ZNF469: variants seen among roughly 807,000 people sequenced by gnomAD.
ZNF469 encodes the protein zinc finger protein 469.
In ZNF469, 1 loss-of-function variant was observed where a neutral mutation model predicts 1.0. The ratio of observed to expected loss-of-function variants is 1.00; its 90% CI spans 0.35 to 4.73. ZNF469 has a LOEUF of 4.73. ZNF469 is among the 30% of genes most tolerant of loss of function. The pLI is 0.16. For missense variants in ZNF469, 6,100 were observed against 5,356.3 expected, an observed-to-expected ratio of 1.14 and a Z score of -4.33; for synonymous variants, 2,703 against 2,363.4, an observed-to-expected ratio of 1.14 and a Z score of -4.17.
chr16:88,206,255 G>A, the ZNF469 span, among the ~76,000 whole-genome samples: 9 of 152,190 alleles, frequency 5.9e-5, no homozygotes, highest in Non-Finnish European at 1.3e-4. Flanking sequence ...CCGTGGTCCC[G>A]GCCCCTCTCC....
At chr16:88,237,136 C>T in the ZNF469 span, among the ~76,000 whole-genome samples, 2 of 142,706 alleles carry the variant, frequency 1.4e-5, no homozygotes, top group African/African-American at 5.2e-5. Flanking sequence ...CCTAAATCCT[C>T]CATGCTCCTG....
the ZNF469 span, among the ~76,000 whole-genome samples, chr16:88,203,224 G>A: frequency 2.6e-5 from 4 of 152,134 alleles, no homozygotes; most frequent in Non-Finnish European, 5.9e-5. Context: ...AGGGAGGGAG[G>A]AGCCCCCAAC....
Position 88,437,384 on chromosome 16 carries a change from C to T in ZNF469, c.9914C>T (p.Pro3305Leu). 1 of 1,536,542 alleles carries T rather than the reference C, an allele frequency of 6.5e-7. No individual in the cohort carries two copies. Among genetic ancestry groups the T allele is most frequent in the Non-Finnish European group, 8.8e-7 (1 of 1,140,790 alleles). ...GCTGACGCCGGCAGCCCGGGCCCCC[C>T]CAGGACGACCCCCAGCCCGTCCCCC... ...ALADAGSPGP[P>L]RTTPSPSPDP... Residue 3305 changes from proline to leucine, a missense_variant, in exon 3 of 3, where the codon CCC (proline) becomes CTC (leucine). Physicochemically the swap from Pro to Leu is moderately conservative, Grantham distance 98 (BLOSUM62 -3). Transcript: ENST00000565624.
At chr16:88,385,619 C>T (rs911560311) in intron 1 of ZNF469, among the ~76,000 whole-genome samples, 1 of 145,740 alleles carries the variant, frequency 6.9e-6, no homozygotes, top group Non-Finnish European at 1.5e-5. Context: ...TTCCAGCCTG[C>T]GTGATAGAGT....
the ZNF469 span, among the ~76,000 whole-genome samples, chr16:88,290,841 C>G: frequency 3.9e-5 from 6 of 152,188 alleles, no homozygotes; most frequent in African/African-American, 1.4e-4. Context: ...TTGCAAATGA[C>G]CTAGTGGACA....
the ZNF469 span, among the ~76,000 whole-genome samples, chr16:88,115,442 A>T: frequency 6.6e-6 from 1 of 151,868 alleles, no homozygotes; most frequent in Non-Finnish European, 1.5e-5. Context: ...CCTCCAGCTC[A>T]TGTCAGCCTT....
At position 88,431,500 on chromosome 16, in the gene ZNF469, G is replaced by A; in HGVS notation, c.4030G>A (p.Val1344Ile). 1 of 1,550,430 alleles carries A rather than the reference G, an allele frequency of 6.4e-7. No homozygotes were observed. The highest frequency in any genetic ancestry group is 1.4e-5 in the African/African-American group (1 of 73,196). The change falls in exon 3 of 3, where the codon GTT (valine) becomes ATT (isoleucine). Residue 1344 changes from valine (V) to isoleucine (I), a missense_variant. Transcript: ENST00000565624. Reference protein sequence around the residue: ...PSSTACPKPSVLSSKISSFGC... With the variant: ...PSSTACPKPSILSSKISSFGC... ...AAGTACCGCCTGCCCCAAACCCAGTGTTCTGTCTTCAAAGATCTCCAGTTT... is the reference window on the plus strand; with the variant it reads ...AAGTACCGCCTGCCCCAAACCCAGTATTCTGTCTTCAAAGATCTCCAGTTT...
the ZNF469 span, among the ~76,000 whole-genome samples, chr16:88,351,350 C>A: frequency 5.9e-5 from 9 of 152,180 alleles, no homozygotes; most frequent in African/African-American, 2.2e-4. Flanking sequence ...TTCTGCCCCA[C>A]AGGCCTCTGT....
Position 88,437,024 on chromosome 16 carries a change from C to T in ZNF469, c.9554C>T (p.Ala3185Val). Residue 3185 changes from alanine to valine, a missense_variant, in exon 3 of 3, where the codon GCC becomes GTC. By Grantham distance (64) the Ala-to-Val change is moderately conservative. Coordinates refer to ENST00000565624, the MANE Select transcript of ZNF469 (RefSeq NM_001367624.2). The part of the protein sequence containing the change: ...WACGMCLKEV[A>V]DVWMYNEHLR... Reference sequence around the variant, plus strand: ...TGCGGCATGTGCCTGAAGGAGGTGGCCGACGTCTGGATGTACAACGAGCAC... The same window carrying T: ...TGCGGCATGTGCCTGAAGGAGGTGGTCGACGTCTGGATGTACAACGAGCAC... The T allele has an allele frequency of 6.5e-7, 1 of 1,528,230 alleles. No individual in the cohort carries two copies. The highest frequency in any genetic ancestry group is 8.8e-7 in the Non-Finnish European group (1 of 1,139,820). 94.7% of individuals were successfully genotyped at this position (1,528,230 alleles called of 1,614,324 possible).
the ZNF469 span, among the ~76,000 whole-genome samples, chr16:88,290,258 A>T: frequency 1.3e-5 from 2 of 152,374 alleles, no homozygotes; most frequent in South Asian, 4.1e-4. Flanking sequence ...TTCAGATGAA[A>T]GGCAAAATTT....
At chr16:88,300,757 C>A in the ZNF469 span, among the ~76,000 whole-genome samples, 6 of 152,162 alleles carry the variant, frequency 3.9e-5, no homozygotes, top group Non-Finnish European at 5.9e-5. Flanking sequence ...ACTCTAAGAG[C>A]CCGTTCTCAG....
At chr16:88,380,610 C>T (rs576714318), upstream of ZNF469, among the ~76,000 whole-genome samples, 136 of 147,186 alleles carry the variant, frequency 9.2e-4, 2 homozygotes, top group African/African-American at 2.3e-3. Context: ...CACTCACACA[C>T]GCACACACCC....
At chr16:88,300,678 G>T in the ZNF469 span, among the ~76,000 whole-genome samples, 2 of 152,094 alleles carry the variant, frequency 1.3e-5, no homozygotes, top group Non-Finnish European at 2.9e-5. Flanking sequence ...TGAGTGGGCC[G>T]CCTTCTTCAC....
the ZNF469 span, among the ~76,000 whole-genome samples, chr16:88,123,278 C>T: frequency 6.6e-6 from 1 of 152,126 alleles, no homozygotes; most frequent in Non-Finnish European, 1.5e-5. Context: ...GGCTGTGTGT[C>T]TGTTCTTTCA....
chr16:88,322,277 C>T, the ZNF469 span, among the ~76,000 whole-genome samples: 344 of 152,344 alleles, frequency 2.3e-3, 1 homozygote, highest in African/African-American at 7.7e-3. Flanking sequence ...CCAGGTGAAT[C>T]GGAACTCACC....
chr16:88,379,057 C>T (rs764144152), upstream of ZNF469, among the ~76,000 whole-genome samples: 6 of 152,188 alleles, frequency 3.9e-5, no homozygotes, highest in Admixed American at 1.3e-4. Flanking sequence ...TGGAATCTGT[C>T]GGAGGCTTCT....
At chr16:88,400,144 A>G (rs1195764577) in intron 1 of ZNF469, among the ~76,000 whole-genome samples, 1 of 152,258 alleles carries the variant, frequency 6.6e-6, no homozygotes, top group Non-Finnish European at 1.5e-5. Flanking sequence ...GGAGGCGCAG[A>G]GCCAATGGCC....
chr16:88,219,383 A>G, the ZNF469 span, among the ~76,000 whole-genome samples: 3 of 133,288 alleles, frequency 2.3e-5, no homozygotes, highest in Non-Finnish European at 4.8e-5. Context: ...ACAAGGCTAC[A>G]GTAACCAAAA....
chr16:88,406,526 C>T (rs1042369645), intron 1 of ZNF469, among the ~76,000 whole-genome samples: 2 of 152,208 alleles, frequency 1.3e-5, no homozygotes, highest in African/African-American at 2.4e-5. Flanking sequence ...TCCAGGTTAT[C>T]GGAAGGACCC....
Sources: gnomAD v4.1 joint callset for allele counts (sites outside exome capture counted in the v4.1 genomes callset) on GRCh38, gnomAD v4.1.1 for gene constraint, MANE v1.5 for transcripts, NCBI Gene and HGNC (gene_info 2026-07-23, HGNC 2026-07-21) for gene names.